TRERF1: variants seen among roughly 807,000 people sequenced by gnomAD.
The protein encoded by TRERF1 is transcriptional-regulating factor 1.
In TRERF1, 27 loss-of-function variants were observed where a neutral mutation model predicts 122.9. The ratio of observed to expected loss-of-function variants is 0.22; its 90% CI spans 0.16 to 0.30. The LOEUF (loss-of-function observed/expected upper bound fraction) is 0.30. Ranked by LOEUF, TRERF1 falls within the 10% of genes least tolerant of loss-of-function variation. The pLI is 1.00. For missense variants in TRERF1, 1,248 were observed against 1,560.3 expected, an observed-to-expected ratio of 0.80 and a Z score of 3.37; for synonymous variants, 636 against 641.7, an observed-to-expected ratio of 0.99 and a Z score of 0.13.
chr6:42,412,751 G>A (rs1781291073), intron 2 of TRERF1, among the ~76,000 whole-genome samples: 1 of 151,952 alleles, frequency 6.6e-6, no homozygotes, highest in Non-Finnish European at 1.5e-5. Context: ...ATGGTGAGAT[G>A]CTTGTCTCTA....
intron 7 of TRERF1, among the ~76,000 whole-genome samples, chr6:42,264,164 T>G (rs2149840886): frequency 6.6e-6 from 1 of 152,290 alleles, no homozygotes; most frequent in East Asian, 1.9e-4. Flanking sequence ...TCTGAGAAAA[T>G]TTTTTGATTT....
chr6:42,302,379 C>T (rs541456742), intron 3 of TRERF1, among the ~76,000 whole-genome samples: 2 of 152,208 alleles, frequency 1.3e-5, no homozygotes, highest in Admixed American at 1.3e-4. Flanking sequence ...AGAAAGTGCT[C>T]ATTCTTCTAA....
chr6:42,337,910 G>C (rs539498513), intron 3 of TRERF1, among the ~76,000 whole-genome samples: 1 of 152,302 alleles, frequency 6.6e-6, no homozygotes, highest in East Asian at 1.9e-4. Flanking sequence ...CCAGGGTTGA[G>C]GGTTGAGACC....
chr6:42,369,963 T>G (rs1773474318), intron 2 of TRERF1, among the ~76,000 whole-genome samples: 1 of 152,172 alleles, frequency 6.6e-6, no homozygotes, highest in South Asian at 2.1e-4. Flanking sequence ...ACCCTTCACC[T>G]TCCTCCTGAC....
At chr6:42,319,812 CAAAA>C (rs35939756) in intron 3 of TRERF1, among the ~76,000 whole-genome samples, 26 of 114,224 alleles carry the variant, frequency 2.3e-4, no homozygotes, top group East Asian at 9.5e-4. Flanking sequence ...GACTGTGTTT[CAAAA>C]AAAAAAAAAA....
chr6:42,254,807 C>A, intron 13 of TRERF1, 44 bp downstream of exon 13: 3 of 1,574,020 alleles, frequency 1.9e-6, no homozygotes, highest in Non-Finnish European at 2.6e-6. Context: ...TGCAAGCAGC[C>A]CGTCGTCAGG....
chr6:42,438,452 A>C (rs2151748822), intron 2 of TRERF1, among the ~76,000 whole-genome samples: 1 of 151,634 alleles, frequency 6.6e-6, no homozygotes, highest in South Asian at 2.1e-4. Context: ...GCTACTAAAA[A>C]TACAAAAATT....
At chr6:42,386,213 T>C (rs1176017725) in intron 2 of TRERF1, among the ~76,000 whole-genome samples, 1 of 152,198 alleles carries the variant, frequency 6.6e-6, no homozygotes, top group African/African-American at 2.4e-5. Context: ...ACTGTATTTT[T>C]AGTAGAGACG....
intron 2 of TRERF1, among the ~76,000 whole-genome samples, chr6:42,421,984 A>T (rs1782832442): frequency 6.6e-6 from 1 of 151,460 alleles, no homozygotes; most frequent in Admixed American, 6.6e-5. Flanking sequence ...CCTGGCCAAC[A>T]TGGTGAAACC....
intron 3 of TRERF1, among the ~76,000 whole-genome samples, chr6:42,328,238 G>A (rs1764646768): frequency 6.6e-6 from 1 of 151,726 alleles, no homozygotes; most frequent in South Asian, 2.1e-4. Context: ...TGAACTCCTG[G>A]CCTCAGGTGA....
At chr6:42,250,856 G>T (rs1775631970) in intron 13 of TRERF1, among the ~76,000 whole-genome samples, 1 of 152,106 alleles carries the variant, frequency 6.6e-6, no homozygotes, top group Non-Finnish European at 1.5e-5. Flanking sequence ...GGCTAATTTG[G>T]GGGCAATCGA....
At chr6:42,429,781 A>C (rs913155033) in intron 2 of TRERF1, among the ~76,000 whole-genome samples, 16 of 152,186 alleles carry the variant, frequency 1.1e-4, no homozygotes, top group African/African-American at 3.1e-4. Flanking sequence ...CTGGCAACAA[A>C]GATAATGAAC....
chr6:42,421,543 G>A (rs1369645802), intron 2 of TRERF1, among the ~76,000 whole-genome samples: 1 of 151,472 alleles, frequency 6.6e-6, no homozygotes, highest in Non-Finnish European at 1.5e-5. Flanking sequence ...GGAGGCTGAG[G>A]CAGGCGGATT....
intron 2 of TRERF1, among the ~76,000 whole-genome samples, chr6:42,383,728 G>C (rs1776349996): frequency 6.6e-6 from 1 of 151,880 alleles, no homozygotes; most frequent in Non-Finnish European, 1.5e-5. Context: ...CCCCAGAGTG[G>C]GCTACACAAA....
At chr6:42,398,508 C>A (rs890158993) in intron 2 of TRERF1, among the ~76,000 whole-genome samples, 1 of 152,146 alleles carries the variant, frequency 6.6e-6, no homozygotes, top group Admixed American at 6.5e-5. Flanking sequence ...ATTAACCCCC[C>A]GCTTCCACTA....
intron 3 of TRERF1, among the ~76,000 whole-genome samples, chr6:42,334,007 AC>A (rs1765693951): frequency 6.7e-6 from 1 of 150,080 alleles, no homozygotes; most frequent in Non-Finnish European, 1.5e-5. Flanking sequence ...CTACACACAC[AC>A]ACACACACAC....
chr6:42,394,300 C>T (rs983697817), intron 2 of TRERF1, among the ~76,000 whole-genome samples: 3 of 152,126 alleles, frequency 2.0e-5, no homozygotes, highest in African/African-American at 7.2e-5. Flanking sequence ...GTGCCTCCTC[C>T]GTCAGCAGGC....
intron 2 of TRERF1, among the ~76,000 whole-genome samples, chr6:42,391,953 G>A (rs1777809715): frequency 6.6e-6 from 1 of 152,190 alleles, no homozygotes; most frequent in Non-Finnish European, 1.5e-5. Context: ...AGGCTGGGCT[G>A]TGTCTCAGGA....
intron 4 of TRERF1, among the ~76,000 whole-genome samples, chr6:42,285,923 T>C (rs1049625943): frequency 4.0e-5 from 6 of 151,156 alleles, no homozygotes; most frequent in African/African-American, 1.5e-4. Flanking sequence ...CAAAACAGCA[T>C]GGTACTGGTA....
Sources: allele counts gnomAD v4.1 joint callset (sites outside exome capture counted in the v4.1 genomes callset), GRCh38; gene constraint gnomAD v4.1.1; transcripts MANE v1.5; gene names NCBI Gene and HGNC (gene_info 2026-07-23, HGNC 2026-07-21).